Variants in AS3MT observed in about 807,000 individuals in gnomAD.
AS3MT encodes the protein S-adenosyl-L-methionine:arsenic(III) methyltransferase.
A neutral mutation model predicts 45.3 loss-of-function variants in AS3MT; 47 were observed. That is an observed-to-expected ratio of 1.04 (90% confidence interval 0.82 to 1.32). The LOEUF is 1.32. Among genes scored for constraint, AS3MT ranks in the 40% most tolerant of loss-of-function variants. AS3MT has a pLI of 0.00. For missense variants in AS3MT, 396 were observed against 451.1 expected (o/e 0.88, Z 1.11); for synonymous variants, 141 against 152.8 (o/e 0.92, Z 0.57).
At chr10:102,893,237 G>A (rs1845104029) in intron 10 of AS3MT, among the ~76,000 whole-genome samples, 1 of 151,812 alleles carries the variant, frequency 6.6e-6, no homozygotes, top group Non-Finnish European at 1.5e-5. Flanking sequence ...TTGGCTTTTT[G>A]TTTGTTGGCT....
rs973118235 is a variant in AS3MT, at chr10:102,879,997, A to G, written c.885+1006A>G. On this transcript the variant is annotated intron_variant, in intron 9 of 10. Transcript: ENST00000369880. ...TCAGCATGCGTCCCATAGGAATGTA[A>G]TATCCCTCTGCATAATCACAATACC... Among the ~76,000 whole-genome samples the G allele has an allele frequency of 2.0e-5, 3 of 152,118 alleles. No homozygotes were observed. In the East Asian group the frequency reaches 5.8e-4, roughly 29 times the overall value.
chr10:102,882,368 A>G, intron 9 of AS3MT, among the ~76,000 whole-genome samples: 1 of 150,468 alleles, frequency 6.6e-6, no homozygotes, highest in East Asian at 2.0e-4. Flanking sequence ...TGGTCTAAAT[A>G]GCATCTCCAG....
chr10:102,873,275 T>TTCA, intron 5 of AS3MT, 42 bp downstream of exon 5: 1 of 1,322,330 alleles, frequency 7.6e-7, no homozygotes, highest in Non-Finnish European at 1.0e-6. Flanking sequence ...GCCCATTTTC[T>TTCA]TTATTATTAT....
chr10:102,870,206 C>A lies in AS3MT; in HGVS notation c.165C>A (p.Ala55=). The change falls in exon 3 of 11, where the codon GCC becomes GCA. Residue 55 remains alanine, a synonymous_variant. Transcript: ENST00000369880. ...TGCAAAATGTACACGAAGAAGTAGC[C>A]CTAAGGTAGAGTGCCCTGTGCTGTC... is the stretch of plus-strand genomic sequence containing the variant. ...EALQNVHEEV[A]LRYYGCGLVI... 6.2e-7 allele frequency: 1 copy of A among 1,614,132 alleles called. No individual in the cohort carries two copies.
chr10:102,888,960 G>A (rs1307545428), intron 9 of AS3MT, among the ~76,000 whole-genome samples: 9 of 142,890 alleles, frequency 6.3e-5, no homozygotes, highest in Admixed American at 1.5e-4. Context: ...GCACAATCTC[G>A]GCCCACTGCA....
At chr10:102,885,299 G>A (rs558717753) in intron 9 of AS3MT, among the ~76,000 whole-genome samples, 1 of 151,978 alleles carries the variant, frequency 6.6e-6, no homozygotes, top group South Asian at 2.1e-4. Context: ...GCATGTTGCT[G>A]CAGGTGACAG....
chr10:102,884,407 CACCCCCT>C (rs1456680644), intron 9 of AS3MT, among the ~76,000 whole-genome samples: 1 of 150,034 alleles, frequency 6.7e-6, no homozygotes, highest in Non-Finnish European at 1.5e-5. Context: ...CCTGCCCTCC[CACCCCCT>C]ACCCCCAGCC....
At chr10:102,882,383 CTT>C (rs112156733) in intron 9 of AS3MT, among the ~76,000 whole-genome samples, 11 of 144,700 alleles carry the variant, frequency 7.6e-5, no homozygotes, top group Non-Finnish European at 1.1e-4. Context: ...CTCCAGATTT[CTT>C]TTTTTTTTTT....
intron 10 of AS3MT, among the ~76,000 whole-genome samples, chr10:102,891,820 C>T (rs1178671782): frequency 6.6e-6 from 1 of 151,630 alleles, no homozygotes; most frequent in Non-Finnish European, 1.5e-5. Flanking sequence ...TATGGTGGTG[C>T]ATGCTGGTAG....
Position 102,885,849 on chromosome 10 carries a change from G to A in AS3MT, c.886-4695G>A, listed in dbSNP as rs1053765943. Among the ~76,000 whole-genome samples, 14 of 145,062 alleles carry A rather than the reference G, an allele frequency of 9.7e-5. 1 individual carries two copies. The highest frequency in any genetic ancestry group is 1.4e-4 in the Non-Finnish European group (9 of 65,906). On this transcript the variant is annotated intron_variant, in intron 9 of 10. Transcript: ENST00000369880. ...CGGCCCACTAATTTTTGTATTTTTA[G>A]TAGAGATGGGGTTTCACATGTTGGC...
At chr10:102,877,555 G>A (rs1411890393) in intron 7 of AS3MT, among the ~76,000 whole-genome samples, 1 of 126,906 alleles carries the variant, frequency 7.9e-6, no homozygotes, top group African/African-American at 2.8e-5. Context: ...AAGTTGGAAA[G>A]TGCCAAAAAA....
At position 102,878,855 on chromosome 10, in the gene AS3MT, G is replaced by T; in HGVS notation, c.749G>T (p.Cys250Phe). Residue 250 changes from cysteine (C) to phenylalanine (F), a missense_variant, in exon 9 of 11, where the codon TGT (cysteine) becomes TTT (phenylalanine). Physicochemically the swap from Cys to Phe is radical, Grantham distance 205. Transcript: ENST00000369880. ...GAATAAATTCTATTTTTAGGTGACT[G>T]TCGTTTTGTTTCTGCAACATTTCGC... The part of the protein sequence containing the change: ...NKELERVIGD[C>F]RFVSATFRLF... 1 of 1,611,758 alleles carries T rather than the reference G, an allele frequency of 6.2e-7. No homozygotes were observed. The highest frequency in any genetic ancestry group is 8.5e-7 in the Non-Finnish European group (1 of 1,179,380).
At position 102,877,559 on chromosome 10, in the gene AS3MT, C is replaced by CA. The variant is rs199723619; in HGVS notation, c.610+542dup. 5.1e-3 allele frequency among the ~76,000 whole-genome samples: 484 copies of CA among 94,100 alleles called. 3 individuals carry two copies. The highest frequency in any genetic ancestry group is 6.7e-3 in the African/African-American group (159 of 23,682). The allele number at this position is 94,100 out of a possible 152,430, so 61.7% of individuals were successfully genotyped here. ...GTACCGTTAACAAGTTGGAAAGTGCCAAAAAAAAAAAAAAAAAAGAAAAAA... is the reference window on the plus strand; with the variant it reads ...GTACCGTTAACAAGTTGGAAAGTGCCAAAAAAAAAAAAAAAAAAAGAAAAAA... On this transcript the variant is annotated intron_variant, in intron 7 of 10. Coordinates refer to ENST00000369880, the MANE Select transcript of AS3MT (RefSeq NM_020682.4).
Position 102,890,526 on chromosome 10 carries a change from T to C in AS3MT, c.886-18T>C, listed in dbSNP as rs1845052420. On this transcript the variant is annotated intron_variant, in intron 9 of 10. Coordinates refer to ENST00000369880, the MANE Select transcript of AS3MT (RefSeq NM_020682.4). Reference sequence around the variant, plus strand: ...TAAAGTTGCAACTCTTAGTATTTTTTTTTATACTACCCTTTAGGAAGGTGA... The same window carrying C: ...TAAAGTTGCAACTCTTAGTATTTTTCTTTATACTACCCTTTAGGAAGGTGA... The C allele has an allele frequency of 6.4e-7, 1 of 1,560,770 alleles. No individual in the cohort carries two copies. The highest frequency in any genetic ancestry group is 1.4e-5 in the African/African-American group (1 of 72,014).
At position 102,888,887 on chromosome 10, in the gene AS3MT, T is replaced by A. The variant is rs1417801448; in HGVS notation, c.886-1657T>A. Among the ~76,000 whole-genome samples, 35 of 133,386 alleles carry A rather than the reference T, an allele frequency of 2.6e-4. 1 individual carries two copies. The highest frequency in any genetic ancestry group is 8.9e-4 in the African/African-American group (31 of 34,728). 87.5% of individuals were successfully genotyped at this position (133,386 alleles called of 152,430 possible). ...TATATATATATATATATATATTTTT[T>A]TTTTTTTTTTTGAGACGGAGTCTCG... is the stretch of plus-strand genomic sequence containing the variant. On this transcript the variant is annotated intron_variant, in intron 9 of 10. Transcript: ENST00000369880.
chr10:102,876,228 A>G (rs537955366), intron 6 of AS3MT, among the ~76,000 whole-genome samples: 49 of 152,132 alleles, frequency 3.2e-4, no homozygotes, highest in Non-Finnish European at 4.0e-4. Context: ...TGTTGTTATA[A>G]AAGTAAATAA....
chr10:102,888,881 A>ATTTTTTTTTTTTTT (rs869038434), intron 9 of AS3MT, among the ~76,000 whole-genome samples: 8 of 52,522 alleles, frequency 1.5e-4, no homozygotes, highest in Admixed American at 2.9e-4. Flanking sequence ...ATATATATAT[A>ATTTTTTTTTTTTTT]TTTTTTTTTT....
At chr10:102,880,576 A>C (rs1235221793) in intron 9 of AS3MT, among the ~76,000 whole-genome samples, 1 of 152,238 alleles carries the variant, frequency 6.6e-6, no homozygotes, top group Non-Finnish European at 1.5e-5. Flanking sequence ...CAAAAAAACC[A>C]GACCTCAAGT....
chr10:102,883,927 A>T (rs1239186670), intron 9 of AS3MT, among the ~76,000 whole-genome samples: 1 of 151,956 alleles, frequency 6.6e-6, no homozygotes, highest in Non-Finnish European at 1.5e-5. Flanking sequence ...TGATGAGATC[A>T]AAGTCTACTC....
Sources: gnomAD v4.1 joint callset for allele counts (sites outside exome capture counted in the v4.1 genomes callset) on GRCh38, gnomAD v4.1.1 for gene constraint, MANE v1.5 for transcripts, NCBI Gene and HGNC (gene_info 2026-07-23, HGNC 2026-07-21) for gene names.